The following MTFR1 variants were observed in gnomAD, a reference collection of about 807,000 sequenced individuals.
The protein encoded by MTFR1 is mitochondrial fission regulator 1, also known as chondrocyte protein with a poly-proline region.
MTFR1 carries 28 observed loss-of-function variants against 38.8 expected under a neutral mutation model. That is an observed-to-expected ratio of 0.72 (90% CI 0.53 to 0.99). The LOEUF is 0.99. Ranked by LOEUF, MTFR1 falls within the 50% of genes least tolerant of loss-of-function variation. MTFR1 has a pLI of 0.00. For missense variants in MTFR1, 358 were observed against 395.5 expected, an observed-to-expected ratio of 0.91 and a Z score of 0.81; for synonymous variants, 145 against 137.0, an observed-to-expected ratio of 1.06 and a Z score of -0.41.
intron 3 of MTFR1, among the ~76,000 whole-genome samples, chr8:65,767,789 C>T (rs1808866893): frequency 6.6e-6 from 1 of 152,202 alleles, no homozygotes; most frequent in African/African-American, 2.4e-5. Context: ...CACATCTCTT[C>T]ATCTGGATCC....
chr8:65,679,933 C>T (rs1320027479), intron 2 of MTFR1, among the ~76,000 whole-genome samples: 1 of 152,152 alleles, frequency 6.6e-6, no homozygotes, highest in East Asian at 1.9e-4. Flanking sequence ...TTCCTTTCTA[C>T]TTACCAGTTT....
chr8:65,688,098 T>TAAAAAA (rs546722264), intron 3 of MTFR1, among the ~76,000 whole-genome samples: 21 of 120,856 alleles, frequency 1.7e-4, no homozygotes, highest in East Asian at 1.3e-3. Flanking sequence ...AGACTCCGTC[T>TAAAAAA]AAAAAAAAAA....
chr8:65,750,474 C>CTGTG (rs371620919), intron 3 of MTFR1, among the ~76,000 whole-genome samples: 13,902 of 142,368 alleles, frequency 0.098, 755 homozygotes, highest in Middle Eastern at 0.15. Flanking sequence ...ATTAGAATCA[C>CTGTG]TGTGTGTGTG....
chr8:65,665,897 A>G (rs933092557), intron 1 of MTFR1, among the ~76,000 whole-genome samples: 1 of 148,562 alleles, frequency 6.7e-6, no homozygotes, highest in Non-Finnish European at 1.5e-5. Flanking sequence ...ATTTTTTACT[A>G]AAATGGCTTT....
At chr8:65,645,692 T>TGGGG in intron 1 of MTFR1, among the ~76,000 whole-genome samples, 3 of 83,176 alleles carry the variant, frequency 3.6e-5, no homozygotes, top group East Asian at 2.3e-3. Flanking sequence ...CGCCCGGCTT[T>TGGGG]CCCCCCCCCC....
chr8:65,723,788 TAGA>T (rs1189970117), intron 3 of MTFR1, among the ~76,000 whole-genome samples: 4 of 152,196 alleles, frequency 2.6e-5, no homozygotes, highest in Non-Finnish European at 1.5e-5. Flanking sequence ...TATTTACACA[TAGA>T]AGAGATTGCC....
intron 1 of MTFR1, among the ~76,000 whole-genome samples, chr8:65,645,323 T>G (rs1270786427): frequency 1.3e-5 from 2 of 152,204 alleles, no homozygotes; most frequent in African/African-American, 2.4e-5. Context: ...GCTTTTCGCC[T>G]CCTAGAACTT....
intron 3 of MTFR1, chr8:65,689,639 C>T (rs1693556242): frequency 1.8e-5 from 22 of 1,234,224 alleles, no homozygotes; most frequent in South Asian, 1.6e-4. Flanking sequence ...CCATGCATGT[C>T]GTGGTGTCTA....
chr8:65,680,632 T>G (rs1452033292), intron 2 of MTFR1, among the ~76,000 whole-genome samples: 1 of 152,174 alleles, frequency 6.6e-6, no homozygotes, highest in East Asian at 1.9e-4. Context: ...GAACCGTTGT[T>G]TGGTTATGCT....
At chr8:65,687,299 A>G (rs1020918081) in intron 3 of MTFR1, among the ~76,000 whole-genome samples, 24 of 152,114 alleles carry the variant, frequency 1.6e-4, no homozygotes, top group East Asian at 1.5e-3. Flanking sequence ...ACCACTGCAC[A>G]TATTTCAAAC....
intron 3 of MTFR1, among the ~76,000 whole-genome samples, chr8:65,747,201 C>T (rs1228518664): frequency 1.3e-5 from 2 of 152,146 alleles, no homozygotes; most frequent in Non-Finnish European, 2.9e-5. Flanking sequence ...TACACACACA[C>T]ACACAAAAAA....
At chr8:65,666,798 A>G (rs1804393396) in intron 1 of MTFR1, among the ~76,000 whole-genome samples, 1 of 152,214 alleles carries the variant, frequency 6.6e-6, no homozygotes, top group African/African-American at 2.4e-5. Flanking sequence ...TGGAACACCA[A>G]TAAATAAAGG....
At chr8:65,745,268 G>A (rs1807622397) in intron 3 of MTFR1, 3 of 650,684 alleles carry the variant, frequency 4.6e-6, no homozygotes, top group Non-Finnish European at 8.4e-6. Context: ...TCAGCAGTGT[G>A]AAAATGGACT....
At chr8:65,668,747 C>T (rs1373897740) in intron 1 of MTFR1, among the ~76,000 whole-genome samples, 2 of 152,236 alleles carry the variant, frequency 1.3e-5, no homozygotes, top group Non-Finnish European at 2.9e-5. Context: ...CTCCTGACCT[C>T]AAGCAATCCG....
intron 1 of MTFR1, among the ~76,000 whole-genome samples, chr8:65,662,738 C>T (rs1295182823): frequency 7.3e-6 from 1 of 137,420 alleles, no homozygotes; most frequent in Non-Finnish European, 1.7e-5. Flanking sequence ...AGGAGCCCCT[C>T]CGCCCGGCAG....
chr8:65,778,030 T>A, the MTFR1 span, among the ~76,000 whole-genome samples: 2 of 152,208 alleles, frequency 1.3e-5, no homozygotes, highest in Non-Finnish European at 1.5e-5. Context: ...AGGACCTTAA[T>A]TACTTTTTCA....
At chr8:65,696,547 T>C (rs1405155166) in intron 4 of MTFR1, among the ~76,000 whole-genome samples, 1 of 152,192 alleles carries the variant, frequency 6.6e-6, no homozygotes, top group African/African-American at 2.4e-5. Context: ...CACATACTTC[T>C]CTTCCATCCC....
intron 7 of MTFR1, 129 bp from the exon 8 acceptor site, chr8:65,708,847 A>G (rs1805860470): frequency 7.6e-6 from 6 of 788,736 alleles, no homozygotes; most frequent in Non-Finnish European, 1.3e-5. Flanking sequence ...AGGTTTTAAT[A>G]TTCCCAGTAG....
intron 1 of MTFR1, among the ~76,000 whole-genome samples, chr8:65,657,706 TA>T (rs59682546): frequency 0.064 from 8,473 of 132,360 alleles, 221 homozygotes; most frequent in Non-Finnish European, 0.073. Flanking sequence ...AGACTGTCTC[TA>T]AAAAAAAAAA....
Sources: allele counts gnomAD v4.1 joint callset (sites outside exome capture counted in the v4.1 genomes callset), GRCh38; gene constraint gnomAD v4.1.1; transcripts MANE v1.5; gene names NCBI Gene and HGNC (gene_info 2026-07-23, HGNC 2026-07-21).